The following INSRR variants were observed in gnomAD, a reference collection of about 807,000 sequenced individuals.
The protein encoded by INSRR is insulin receptor related receptor.
In INSRR, 114 loss-of-function variants were observed where a neutral mutation model predicts 130.0. The ratio of observed to expected loss-of-function variants is 0.88; its 90% confidence interval spans 0.75 to 1.02. INSRR has a LOEUF of 1.02. Ranked by LOEUF, INSRR falls within the 50% of genes least tolerant of loss-of-function variation. The probability of loss-of-function intolerance (pLI) is 0.00; values close to 1 mark genes in which losing one functional copy is unlikely to be tolerated. For synonymous variants in INSRR, 674 were observed against 705.2 expected (o/e 0.96, Z 0.70); for missense variants, 1,657 against 1,735.2 (o/e 0.95, Z 0.80).
intron 1 of INSRR, among the ~76,000 whole-genome samples, chr1:156,856,409 A>G (rs1054211749): frequency 1.3e-5 from 2 of 152,160 alleles, no homozygotes; most frequent in African/African-American, 4.8e-5. Flanking sequence ...AATTAATTTG[A>G]TTACTCTTGA....
At chr1:156,848,121 G>A (rs1012796215) in intron 7 of INSRR, among the ~76,000 whole-genome samples, 1 of 152,114 alleles carries the variant, frequency 6.6e-6, no homozygotes, top group African/African-American at 2.4e-5. Flanking sequence ...GCCCACGCTG[G>A]AGACCTTCAC....
chr1:156,845,804 C>T lies in INSRR; in HGVS notation c.1989G>A (p.Leu663=). The T allele has an allele frequency of 6.2e-7, 1 of 1,612,328 alleles. No individual in the cohort carries two copies. The highest frequency in any genetic ancestry group is 8.5e-7 in the Non-Finnish European group (1 of 1,179,782). The change falls in exon 10 of 22, where the codon CTG becomes CTA. Residue 663 remains leucine, a synonymous_variant. Transcript: ENST00000368195. ...LNDYCHRGLR[L]PTSNNDPRFD... ...AGCGCGGATCGTTGTTGCTGGTGGGCAGCCGCAAGCCTGGCGCCGCAGCGG... is the reference window on the plus strand; with the variant it reads ...AGCGCGGATCGTTGTTGCTGGTGGGTAGCCGCAAGCCTGGCGCCGCAGCGG...
chr1:156,852,638 C>T (rs529669302), intron 2 of INSRR, among the ~76,000 whole-genome samples: 35 of 152,190 alleles, frequency 2.3e-4, no homozygotes, highest in Non-Finnish European at 5.0e-4. Flanking sequence ...CTGCCCATAC[C>T]GCCCCCACCT....
At chr1:156,844,321 A>C in intron 14 of INSRR, 41 bp from the exon 15 acceptor site, 3 of 1,576,960 alleles carry the variant, frequency 1.9e-6, no homozygotes, top group Non-Finnish European at 2.6e-6. Context: ...TCAAAGATGT[A>C]GAAGTCAGAG....
At chr1:156,850,877 A>G (rs1571668553) in intron 5 of INSRR, among the ~76,000 whole-genome samples, 1 of 152,200 alleles carries the variant, frequency 6.6e-6, no homozygotes, top group East Asian at 1.9e-4. Context: ...ATTTTAAAAA[A>G]TGCTGGCTAC....
At chr1:156,841,272 G>A (rs987093726) in intron 21 of INSRR, 122 bp downstream of exon 21, 16 of 1,064,296 alleles carry the variant, frequency 1.5e-5, no homozygotes, top group Non-Finnish European at 2.0e-5. Flanking sequence ...GGGGGGTGGC[G>A]CTCATAGCTG....
Position 156,843,199 on chromosome 1 carries a change from C to T in INSRR, c.2931G>A (p.Glu977=). 1 of 1,614,116 alleles carries T rather than the reference C, an allele frequency of 6.2e-7. No individual in the cohort carries two copies. ...YVPDEWEVPR[E]QISIIRELGQ... The stretch of plus-strand genomic sequence containing the variant: ...CCAGTTCCCGGATTATCGAGATCTG[C>T]TCCCGAGGCACCTCCCATTCATCAG... The change falls in exon 17 of 22, where the codon GAG becomes GAA. Residue 977 remains glutamate (E), a synonymous_variant. Transcript: ENST00000368195.
chr1:156,842,179 C>T lies in INSRR; in HGVS notation c.3330G>A (p.Lys1110=), dbSNP rs745868240. The T allele has an allele frequency of 3.1e-6, 5 of 1,614,096 alleles. No individual in the cohort carries two copies. In the South Asian group the frequency reaches 5.5e-5, roughly 18 times the overall value. The change falls in exon 19 of 22, where the codon AAG becomes AAA. Residue 1110 remains lysine, a synonymous_variant. Coordinates refer to ENST00000368195, the MANE Select transcript of INSRR (RefSeq NM_014215.3). ...GGGCTGCTAGATCTCGGTGCACAAA[C>T]TTGTTGGCAGCAAGGTAGGCCATGC... The part of the protein sequence containing the change: ...ADGMAYLAAN[K]FVHRDLAARN...
rs866237041 is a variant in INSRR at position 156,842,036 on chromosome 1, T to C, written c.3397+76A>G. ...TCACAGGCTGTCAGGACCAGGGCTG[T>C]GGGTCTCCTGATGCCTAGCTTAAGG... On this transcript the variant is annotated intron_variant, in intron 19 of 21. Transcript: ENST00000368195. 25 of 1,597,880 alleles carry C rather than the reference T, an allele frequency of 1.6e-5. No individual in the cohort carries two copies. In the Middle Eastern group the frequency reaches 8.6e-4, roughly 55 times the overall value.
chr1:156,843,093 T>G lies in INSRR; in HGVS notation c.3037A>C (p.Lys1013Gln), dbSNP rs1654859823. ...GGGCTGGCCAGCTCATTCACCGTCTTCAGGGCCACGGGTGTGGACTCCTCT... is the reference window on the plus strand; with the variant it reads ...GGGCTGGCCAGCTCATTCACCGTCTGCAGGGCCACGGGTGTGGACTCCTCT... ...AGEESTPVAL[K>Q]TVNELASPRE... Residue 1013 changes from lysine (K) to glutamine (Q), a missense_variant, in exon 17 of 22, where the codon AAG becomes CAG. Transcript: ENST00000368195. 1 of 1,614,176 alleles carries G rather than the reference T, an allele frequency of 6.2e-7. No homozygotes were observed. The highest frequency in any genetic ancestry group is 8.5e-7 in the Non-Finnish European group (1 of 1,180,044).
In INSRR at chr1:156,845,828, G is replaced by A; in HGVS notation, c.1979-14C>T. On this transcript the variant is annotated splice_polypyrimidine_tract_variant and intron_variant, in intron 9 of 21. Coordinates refer to ENST00000368195, the MANE Select transcript of INSRR (RefSeq NM_014215.3). ...GCAGCCGCAAGCCTGGCGCCGCAGC[G>A]GGAAGACACTAGTAAGACAGGCGGT... 6.2e-7 allele frequency: 1 copy of A among 1,610,800 alleles called. No individual in the cohort carries two copies. The highest frequency in any genetic ancestry group is 8.5e-7 in the Non-Finnish European group (1 of 1,179,282).
rs1655347226 is a variant in INSRR, at chr1:156,854,673, G to T, written c.86-370C>A. ...CTTTTTCACCTTGTACGTCCTGTGG[G>T]TTTATCTTTAAAATATGTCCAGGAT... On this transcript the variant is annotated intron_variant, in intron 1 of 21. Coordinates refer to ENST00000368195, the MANE Select transcript of INSRR (RefSeq NM_014215.3). The surrounding 1 kb of genome is among the most constrained non-coding windows in gnomAD (Gnocchi z 4.2). 1.3e-5 allele frequency among the ~76,000 whole-genome samples: 2 copies of T among 152,174 alleles called. No homozygotes were observed. Among genetic ancestry groups the T allele is most frequent in the East Asian group, 3.9e-4 (2 of 5,172 alleles).
At chr1:156,844,130 G>T (rs1051050101) in intron 15 of INSRR, 45 bp downstream of exon 15, 2 of 1,394,158 alleles carry the variant, frequency 1.4e-6, no homozygotes, top group African/African-American at 2.8e-5. Context: ...TATGATGAGG[G>T]CTCAGGGAGA....
intron 1 of INSRR, 36 bp downstream of exon 1, chr1:156,858,501 G>T: frequency 6.4e-7 from 1 of 1,552,910 alleles, no homozygotes; most frequent in Non-Finnish European, 8.9e-7. Flanking sequence ...GGCTGGGAGG[G>T]AGGTAGGGGT....
At position 156,842,125 on chromosome 1, in the gene INSRR, G is replaced by T. The variant is rs1654817130; in HGVS notation, c.3384C>A (p.Thr1128=). 6.2e-7 allele frequency: 1 copy of T among 1,613,894 alleles called. No individual in the cohort carries two copies. Among genetic ancestry groups the T allele is most frequent in the African/African-American group, 1.3e-5 (1 of 74,870 alleles). The change falls in exon 19 of 22, where the codon ACC becomes ACA. Residue 1128 remains threonine (T), a synonymous_variant. Coordinates refer to ENST00000368195, the MANE Select transcript of INSRR (RefSeq NM_014215.3). ...ARNCMVSQDF[T]VKIGDFGMTR... ...CACCCTCTGTACCCCCGATCTTGACGGTGAAGTCCTGGGACACCATGCAGT... is the reference window on the plus strand; with the variant it reads ...CACCCTCTGTACCCCCGATCTTGACTGTGAAGTCCTGGGACACCATGCAGT...
In INSRR at chr1:156,855,198, A is replaced by ATCTATCTATCTATCTG. The variant is rs1655367933; in HGVS notation, c.86-896_86-895insCAGATAGATAGATAGA. On this transcript the variant is annotated intron_variant, in intron 1 of 21. Transcript: ENST00000368195. The stretch of plus-strand genomic sequence containing the variant: ...ATTTTATCTATCTATCTATCTATCT[A>ATCTATCTATCTATCTG]TCTATCTATCTATTTATTTATTTGA... Among the ~76,000 whole-genome samples the ATCTATCTATCTATCTG allele has an allele frequency of 5.5e-5, 8 of 146,080 alleles. No homozygotes were observed. The South Asian group carries it at 1.5e-3, about 27-fold the overall frequency.
chr1:156,850,534 CTTTTTTT>C (rs35237064), intron 5 of INSRR, among the ~76,000 whole-genome samples: 121 of 58,608 alleles, frequency 2.1e-3, no homozygotes, highest in African/African-American at 5.8e-3. Flanking sequence ...TTAAAACATT[CTTTTTTT>C]TTTTTTTTTT....
In INSRR at chr1:156,851,960, G is replaced by T; in HGVS notation, c.869C>A (p.Ala290Asp). The T allele has an allele frequency of 6.2e-6, 10 of 1,607,190 alleles. No individual in the cohort carries two copies. Among genetic ancestry groups the T allele is most frequent in the Non-Finnish European group, 8.5e-6 (10 of 1,174,614 alleles). ...GCCCTGGTGTATGCCGAAGGTGGAGGCACGGCCGGGCACAGAGTGCAGGCT... is the reference window on the plus strand; with the variant it reads ...GCCCTGGTGTATGCCGAAGGTGGAGTCACGGCCGGGCACAGAGTGCAGGCT... Reference protein sequence around the residue: ...CASLHSVPGRASTFGIHQGSC... With the variant: ...CASLHSVPGRDSTFGIHQGSC... Residue 290 changes from alanine to aspartate, a missense_variant, in exon 3 of 22, where the codon GCC (alanine) becomes GAC (aspartate). Transcript: ENST00000368195.
chr1:156,845,035 G>A (rs762056651), intron 12 of INSRR, 41 bp downstream of exon 12: 10 of 1,571,100 alleles, frequency 6.4e-6, no homozygotes, highest in Non-Finnish European at 8.6e-6. Context: ...GGTCCTTGGG[G>A]TCGGTGATGG....
Sources: allele counts gnomAD v4.1 joint callset (sites outside exome capture counted in the v4.1 genomes callset), GRCh38; gene constraint gnomAD v4.1.1; non-coding constraint Gnocchi (gnomAD v3.1); transcripts MANE v1.5; gene names NCBI Gene and HGNC (gene_info 2026-07-23, HGNC 2026-07-21).